The following UGT2B11 variants were observed in gnomAD, a reference collection of about 807,000 sequenced individuals.
UGT2B11 encodes UDP-glucuronosyltransferase 2B11.
Under a neutral mutation model 51.7 loss-of-function variants are expected in UGT2B11, and 49 were observed. The ratio of observed to expected loss-of-function variants is 0.95; its 90% CI spans 0.75 to 1.20. The LOEUF is 1.20. Ranked by LOEUF, UGT2B11 falls within the 50% of genes most tolerant of loss-of-function variation. UGT2B11 has a pLI of 0.00. For synonymous variants in UGT2B11, 273 were observed against 209.0 expected (o/e 1.31, Z -2.64); for missense variants, 810 against 622.1 (o/e 1.30, Z -3.21).
the UGT2B11 span, among the ~76,000 whole-genome samples, chr4:69,221,788 C>T: frequency 2.0e-5 from 3 of 152,186 alleles, no homozygotes; most frequent in Non-Finnish European, 2.9e-5. Context: ...CTTCCTGGCC[C>T]TCAATGGTCA....
At chr4:69,201,927 C>G (rs1721674421) in intron 5 of UGT2B11, among the ~76,000 whole-genome samples, 1 of 151,782 alleles carries the variant, frequency 6.6e-6, no homozygotes, top group African/African-American at 2.4e-5. Context: ...TGTTCAGGTC[C>G]TGGTATAAGC....
intron 5 of UGT2B11, among the ~76,000 whole-genome samples, chr4:69,203,710 A>G (rs1721746239): frequency 6.6e-6 from 1 of 151,206 alleles, no homozygotes; most frequent in South Asian, 2.1e-4. Flanking sequence ...CCATAAGAAA[A>G]CAACAAAAAA....
the UGT2B11 span, among the ~76,000 whole-genome samples, chr4:69,221,407 C>A: frequency 1.3e-5 from 2 of 152,142 alleles, no homozygotes; most frequent in Non-Finnish European, 2.9e-5. Flanking sequence ...ATGGTGGGGC[C>A]TTTTAGCTTG....
intron 5 of UGT2B11, among the ~76,000 whole-genome samples, chr4:69,202,781 T>C (rs1380282536): frequency 6.6e-6 from 1 of 151,728 alleles, no homozygotes; most frequent in Non-Finnish European, 1.5e-5. Context: ...TTTCTATTTG[T>C]CCAAGGTGGT....
At chr4:69,208,320 T>C in intron 3 of UGT2B11, 31 bp downstream of exon 3, 2 of 1,607,260 alleles carry the variant, frequency 1.2e-6, no homozygotes, top group Non-Finnish European at 1.7e-6. Flanking sequence ...CTTTCAGCAG[T>C]TTTCCACACC....
the UGT2B11 span, among the ~76,000 whole-genome samples, chr4:69,224,276 A>T: frequency 6.6e-6 from 1 of 152,168 alleles, no homozygotes; most frequent in South Asian, 2.1e-4. Context: ...CACACTCAGT[A>T]ACCCTTGCAG....
At chr4:69,209,277 A>G (rs1170707248) in intron 2 of UGT2B11, among the ~76,000 whole-genome samples, 1 of 151,632 alleles carries the variant, frequency 6.6e-6, no homozygotes, top group African/African-American at 2.4e-5. Context: ...ACACTGTTAA[A>G]TTGATGTGCT....
upstream of UGT2B11, chr4:69,215,244 A>G (rs2109957316): frequency 6.5e-6 from 1 of 152,916 alleles, no homozygotes; most frequent in East Asian, 1.9e-4. Context: ...CTAAAAAAAC[A>G]AAAAACTCCT....
rs1721901675 is a variant in UGT2B11 at position 69,207,491 on chromosome 4, A to T, written c.1002+860T>A. On this transcript the variant is annotated intron_variant, in intron 3 of 5. Coordinates refer to ENST00000446444, the MANE Select transcript of UGT2B11 (RefSeq NM_001073.3). ...TCCTACTATGTTCTATGGAGGGGAC[A>T]TCTGAACCTGTTCCCCTGCCTCTCT... Among the ~76,000 whole-genome samples, 4 of 151,612 alleles carry T rather than the reference A, an allele frequency of 2.6e-5. No individual in the cohort carries two copies. The South Asian group carries it at 8.3e-4, about 31-fold the overall frequency.
intron 5 of UGT2B11, among the ~76,000 whole-genome samples, 159 bp from the exon 6 acceptor site, chr4:69,200,878 T>C (rs1721632564): frequency 6.6e-6 from 1 of 151,836 alleles, no homozygotes; most frequent in South Asian, 2.1e-4. Flanking sequence ...CATAGATAGT[T>C]TGGCTTTTAA....
upstream of UGT2B11, chr4:69,216,161 G>T (rs1348596704): frequency 2.0e-5 from 3 of 152,110 alleles, no homozygotes; most frequent in African/African-American, 7.2e-5. Flanking sequence ...AAGCTGTTCA[G>T]ATAACAGCTC....
chr4:69,218,121 A>C (rs1303297027), upstream of UGT2B11, among the ~76,000 whole-genome samples: 1 of 152,192 alleles, frequency 6.6e-6, no homozygotes, highest in Non-Finnish European at 1.5e-5. Context: ...TCCATAGTCC[A>C]ATCTTGCTTC....
intron 3 of UGT2B11, 125 bp from the exon 4 acceptor site, chr4:69,205,692 T>A: frequency 3.7e-6 from 4 of 1,091,990 alleles, no homozygotes; most frequent in South Asian, 1.8e-5. Flanking sequence ...CAAAGATTGA[T>A]GTAAAAAGAA....
chr4:69,213,767 T>A (rs1300634481), intron 1 of UGT2B11, among the ~76,000 whole-genome samples: 2 of 151,864 alleles, frequency 1.3e-5, no homozygotes, highest in African/African-American at 4.8e-5. Context: ...TACTAATATA[T>A]AGGTTTATGA....
intron 2 of UGT2B11, 48 bp from the exon 3 acceptor site, chr4:69,208,530 G>A: frequency 6.3e-7 from 1 of 1,589,998 alleles, no homozygotes; most frequent in Non-Finnish European, 8.5e-7. Flanking sequence ...ACCACAGCAG[G>A]CACTACTGAA....
chr4:69,203,413 T>C (rs1467346678), intron 5 of UGT2B11, among the ~76,000 whole-genome samples: 1 of 151,772 alleles, frequency 6.6e-6, no homozygotes, highest in East Asian at 1.9e-4. Flanking sequence ...ATGGTAGTGA[T>C]GAATGCAACA....
At chr4:69,210,382 T>A (rs1336707549) in intron 2 of UGT2B11, among the ~76,000 whole-genome samples, 1 of 151,582 alleles carries the variant, frequency 6.6e-6, no homozygotes, top group Non-Finnish European at 1.5e-5. Context: ...TTGTCAAGTG[T>A]CTTATTCTCT....
rs1328393238 is a variant in UGT2B11 at position 69,214,732 on chromosome 4, A to G, written c.-10T>C. 6.2e-7 allele frequency: 1 copy of G among 1,608,740 alleles called. No individual in the cohort carries two copies. Among genetic ancestry groups the G allele is most frequent in the Admixed American group, 1.7e-5 (1 of 59,126 alleles). ...TCCATTTCAGAGTCATCCTGGTGCA[A>G]TGCGATCATTCTTTTCCAGTCACTG... On this transcript the variant is annotated 5_prime_UTR_variant, in exon 1 of 6. Transcript: ENST00000446444.
At chr4:69,217,860 G>C (rs186534716), upstream of UGT2B11, among the ~76,000 whole-genome samples, 374 of 152,122 alleles carry the variant, frequency 2.5e-3, 2 homozygotes, top group Non-Finnish European at 4.0e-3. Context: ...TCAAGATGCT[G>C]GTATTGGGCA....
Sources: allele counts gnomAD v4.1 joint callset (sites outside exome capture counted in the v4.1 genomes callset), GRCh38; gene constraint gnomAD v4.1.1; transcripts MANE v1.5; gene names NCBI Gene and HGNC (gene_info 2026-07-23, HGNC 2026-07-21).